The following SH3PXD2B variants were observed in gnomAD, a reference collection of about 807,000 sequenced individuals.
SH3PXD2B encodes SH3 and PX domains 2B, also known as SH3 and PX domain-containing protein 2B.
Under a neutral mutation model 73.1 loss-of-function variants are expected in SH3PXD2B, and 37 were observed. The ratio of observed to expected loss-of-function variants is 0.51; its 90% CI spans 0.39 to 0.67. The LOEUF is 0.67. SH3PXD2B is among the 30% of genes least tolerant of loss of function. The pLI is 0.00. For synonymous variants in SH3PXD2B, 457 were observed against 480.5 expected (o/e 0.95, Z 0.64); for missense variants, 1,053 against 1,197.8 (o/e 0.88, Z 1.78).
In SH3PXD2B at chr5:172,335,888, G is replaced by C; in HGVS notation, c.*2481C>G. 8.2e-7 allele frequency: 1 copy of C among 1,219,642 alleles called. No homozygotes were observed. The highest frequency in any genetic ancestry group is 1.0e-6 in the Non-Finnish European group (1 of 980,814). 75.6% of individuals were successfully genotyped at this position (1,219,642 alleles called of 1,614,324 possible). On this transcript the variant is annotated 3_prime_UTR_variant, in exon 13 of 13. Transcript: ENST00000311601. ...AGAACAGTGAACAGAGAGGACTGTG[G>C]CTTCAGTACCCGCGGGTCATGTCAG...
intron 1 of SH3PXD2B, among the ~76,000 whole-genome samples, chr5:172,424,343 G>A (rs1041486036): frequency 6.6e-6 from 1 of 152,218 alleles, no homozygotes; most frequent in Non-Finnish European, 1.5e-5. Flanking sequence ...CAGCAGGAGA[G>A]GAAGGCAGTG....
At chr5:172,341,429 G>A (rs1183728298) in intron 12 of SH3PXD2B, among the ~76,000 whole-genome samples, 1 of 152,100 alleles carries the variant, frequency 6.6e-6, no homozygotes, top group African/African-American at 2.4e-5. Context: ...GTTCCCATGG[G>A]ATCTGGTTGT....
rs746336600 is a variant in SH3PXD2B, at chr5:172,338,953, C to T, written c.2152G>A (p.Gly718Ser). 5.0e-6 allele frequency: 8 copies of T among 1,614,042 alleles called. No homozygotes were observed. The East Asian group carries it at 8.9e-5, about 18-fold the overall frequency. ...CAGGAAATCTCTTTTGGGCTGAGAC[C>T]ATCCTGTTTGCCCGTCCTGTCCTGG... Reference protein sequence around the residue: ...RAQDRTGKQDGLSPKEISCRA... With the variant: ...RAQDRTGKQDSLSPKEISCRA... The change falls in exon 13 of 13, where the codon GGT (glycine) becomes AGT (serine). Residue 718 changes from glycine to serine, a missense_variant. Gly to Ser is a moderately conservative substitution (Grantham distance 56). Coordinates refer to ENST00000311601, the MANE Select transcript of SH3PXD2B (RefSeq NM_001017995.3). The surrounding 1 kb of genome is among the most constrained non-coding windows in gnomAD (Gnocchi z 5.1).
chr5:172,355,045 G>A (rs1259279111), intron 8 of SH3PXD2B, among the ~76,000 whole-genome samples: 1 of 152,230 alleles, frequency 6.6e-6, no homozygotes, highest in Non-Finnish European at 1.5e-5. Flanking sequence ...AAAAATGGAT[G>A]TGTGTCTCAA....
At chr5:172,363,438 C>T (rs1228450898) in intron 6 of SH3PXD2B, among the ~76,000 whole-genome samples, 7 of 152,080 alleles carry the variant, frequency 4.6e-5, no homozygotes, top group Admixed American at 4.6e-4. Flanking sequence ...CAGAGAGAGA[C>T]ATGTACATAA....
chr5:172,361,180 T>C lies in SH3PXD2B; in HGVS notation c.562+1555A>G, dbSNP rs541048991. The stretch of plus-strand genomic sequence containing the variant: ...GAATGAGTACCTGTGTATGTGTGAG[T>C]GTATATGTTCACACGTACACACACG... On this transcript the variant is annotated intron_variant, in intron 7 of 12. Coordinates refer to ENST00000311601, the MANE Select transcript of SH3PXD2B (RefSeq NM_001017995.3). Among the ~76,000 whole-genome samples the C allele has an allele frequency of 6.6e-5, 10 of 152,252 alleles. No homozygotes were observed. In the East Asian group the frequency reaches 1.9e-3, roughly 29 times the overall value.
intron 3 of SH3PXD2B, among the ~76,000 whole-genome samples, chr5:172,404,122 T>G (rs1052529938): frequency 1.3e-5 from 2 of 152,188 alleles, no homozygotes; most frequent in South Asian, 4.2e-4. Context: ...CTTTTTTAGG[T>G]AAAGGATTCT....
At chr5:172,430,762 C>A (rs1759217400) in intron 1 of SH3PXD2B, among the ~76,000 whole-genome samples, 1 of 152,252 alleles carries the variant, frequency 6.6e-6, no homozygotes, top group South Asian at 2.1e-4. Context: ...GTGCCAGGGC[C>A]TCCAAAAGCC....
At chr5:172,384,399 G>A (rs1042155454) in intron 4 of SH3PXD2B, among the ~76,000 whole-genome samples, 5 of 152,092 alleles carry the variant, frequency 3.3e-5, no homozygotes, top group East Asian at 1.9e-4. Context: ...CAAGTGTACC[G>A]TACGGTGCAT....
At chr5:172,358,741 C>G in intron 8 of SH3PXD2B, 32 bp downstream of exon 8, 1 of 1,575,546 alleles carries the variant, frequency 6.3e-7, no homozygotes, top group Non-Finnish European at 8.7e-7. Flanking sequence ...ACAGGTCCTC[C>G]CCAGTGAGCA....
intron 12 of SH3PXD2B, among the ~76,000 whole-genome samples, chr5:172,340,747 A>G (rs1350321496): frequency 1.3e-5 from 2 of 152,064 alleles, no homozygotes; most frequent in African/African-American, 4.8e-5. Flanking sequence ...GGCATGTACC[A>G]CCACACCTGG....
At chr5:172,390,874 C>T (rs2069555305) in intron 4 of SH3PXD2B, among the ~76,000 whole-genome samples, 1 of 144,752 alleles carries the variant, frequency 6.9e-6, no homozygotes, top group Admixed American at 7.1e-5. Context: ...AGAGTTTTGC[C>T]CTTGTTGCCC....
Position 172,339,489 on chromosome 5 carries a change from C to T in SH3PXD2B, c.1616G>A (p.Arg539Gln), listed in dbSNP as rs886239248. 58 of 1,613,678 alleles carry T rather than the reference C, an allele frequency of 3.6e-5. No homozygotes were observed. Among genetic ancestry groups the T allele is most frequent in the Non-Finnish European group, 4.6e-5 (54 of 1,179,870 alleles). Residue 539 changes from arginine to glutamine, a missense_variant, in exon 13 of 13, where the codon CGG becomes CAG. Coordinates refer to ENST00000311601, the MANE Select transcript of SH3PXD2B (RefSeq NM_001017995.3). The surrounding 1 kb of genome is among the most constrained non-coding windows in gnomAD (Gnocchi z 6.1). ...IIKSEGELLE[R>Q]ERERQRTEQL... is the part of the protein sequence containing the mutation. ...CTCCGTCCTCTGCCGCTCCCGCTCCCGCTCCAGCAGCTCCCCCTCCGACTT... is the reference window on the plus strand; with the variant it reads ...CTCCGTCCTCTGCCGCTCCCGCTCCTGCTCCAGCAGCTCCCCCTCCGACTT...
intron 2 of SH3PXD2B, among the ~76,000 whole-genome samples, chr5:172,408,555 T>TTTTTTTTTG (rs1758616929): frequency 6.8e-6 from 1 of 148,042 alleles, no homozygotes; most frequent in African/African-American, 2.5e-5. Flanking sequence ...TTTTTTTTTT[T>TTTTTTTTTG]GAGATGGAGT....
intron 1 of SH3PXD2B, among the ~76,000 whole-genome samples, chr5:172,451,077 C>A (rs1056397774): frequency 1.3e-5 from 2 of 152,216 alleles, no homozygotes; most frequent in African/African-American, 4.8e-5. Flanking sequence ...TCTCTGCCTG[C>A]GGGTGACTGA....
At chr5:172,325,851 G>C (rs1009151153) in intron 12 of SH3PXD2B, among the ~76,000 whole-genome samples, 1 of 152,168 alleles carries the variant, frequency 6.6e-6, no homozygotes, top group African/African-American at 2.4e-5. Context: ...GCAATGACAC[G>C]ATCTCCGCTC....
At chr5:172,388,384 T>G (rs779491261) in intron 4 of SH3PXD2B, among the ~76,000 whole-genome samples, 1 of 152,172 alleles carries the variant, frequency 6.6e-6, no homozygotes, top group Non-Finnish European at 1.5e-5. Flanking sequence ...ATGTAGTCTA[T>G]AAAAGAAAGG....
chr5:172,334,657 A>C lies in SH3PXD2B; in HGVS notation c.*3712T>G, dbSNP rs543179189. The C allele has an allele frequency of 1.0e-6, 1 of 985,466 alleles. No homozygotes were observed. The highest frequency in any genetic ancestry group is 1.7e-5 in the African/African-American group (1 of 57,346). 61.0% of individuals were successfully genotyped at this position (985,466 alleles called of 1,614,324 possible). A position where few individuals can be genotyped will look rare whatever the true frequency, so the allele number is the denominator to read the frequency against. ...TGAAAGGACGGGGGTCCAGCTACGA[A>C]TGTTTTTGTTCTTGATGTCAAGTTG... On this transcript the variant is annotated 3_prime_UTR_variant, in exon 13 of 13. Transcript: ENST00000311601.
chr5:172,434,791 T>TTTTGTTTTTTTTG (rs57552318), intron 1 of SH3PXD2B, among the ~76,000 whole-genome samples: 1 of 149,882 alleles, frequency 6.7e-6, no homozygotes, highest in Admixed American at 6.6e-5. Context: ...GGTTTTTTTT[T>TTTTGTTTTTTTTG]TTTTTTTTTT....
Sources: allele counts gnomAD v4.1 joint callset (sites outside exome capture counted in the v4.1 genomes callset), GRCh38; gene constraint gnomAD v4.1.1; non-coding constraint Gnocchi (gnomAD v3.1); transcripts MANE v1.5; gene names NCBI Gene and HGNC (gene_info 2026-07-23, HGNC 2026-07-21).